THBS2: variants seen among roughly 807,000 people sequenced by gnomAD.
THBS2 encodes thrombospondin 2, also known as thrombospondin-2.
In THBS2, 47 loss-of-function variants were observed where a neutral mutation model predicts 135.2. The observed-to-expected ratio is 0.35, with a 90% CI of 0.28 to 0.44. The LOEUF is 0.44. Among genes scored for constraint, THBS2 ranks in the 20% least tolerant of loss-of-function variants. The probability of loss-of-function intolerance (pLI) is 1.00; values close to 1 mark genes in which losing one functional copy is unlikely to be tolerated. For synonymous variants in THBS2, 639 were observed against 633.8 expected, an observed-to-expected ratio of 1.01 and a Z score of -0.12; for missense variants, 1,288 against 1,603.1, an observed-to-expected ratio of 0.80 and a Z score of 3.36.
At chr6:169,228,360 T>C (rs1356290432) in intron 14 of THBS2, 79 bp from the exon 15 acceptor site, 2 of 1,500,094 alleles carry the variant, frequency 1.3e-6, no homozygotes, top group East Asian at 2.4e-5. Flanking sequence ...ATAAGTTATG[T>C]ACTCAAGGTT....
chr6:169,236,604 CCATCCACACTCG>C (rs1264631440), intron 9 of THBS2, among the ~76,000 whole-genome samples: 1 of 137,250 alleles, frequency 7.3e-6, no homozygotes, highest in African/African-American at 2.6e-5. Context: ...ACACTCATTC[CCATCCACACTCG>C]CCATCCACAC....
intron 4 of THBS2, among the ~76,000 whole-genome samples, chr6:169,243,453 T>C (rs965478148): frequency 6.6e-6 from 1 of 152,182 alleles, no homozygotes; most frequent in Non-Finnish European, 1.5e-5. Context: ...ATGCCTGACT[T>C]CTCTCGGACA....
At chr6:169,235,626 T>A (rs1435337023) in intron 9 of THBS2, among the ~76,000 whole-genome samples, 1 of 151,942 alleles carries the variant, frequency 6.6e-6, no homozygotes, top group African/African-American at 2.4e-5. Flanking sequence ...GTTCTGTGCA[T>A]CTGCGGCATC....
chr6:169,221,858 G>A (rs933504754), intron 19 of THBS2, among the ~76,000 whole-genome samples: 2 of 152,166 alleles, frequency 1.3e-5, no homozygotes, highest in East Asian at 3.9e-4. Context: ...TTGAAGTTTT[G>A]ATATTCAATT....
chr6:169,221,608 A>G (rs947160394), intron 19 of THBS2, 81 bp from the exon 20 acceptor site: 88 of 1,263,958 alleles, frequency 7.0e-5, no homozygotes, highest in Non-Finnish European at 9.7e-5. Context: ...GCAGGAAGCA[A>G]AAACATGACT....
At chr6:169,242,733 C>G (rs1395911900) in intron 4 of THBS2, among the ~76,000 whole-genome samples, 1 of 141,148 alleles carries the variant, frequency 7.1e-6, no homozygotes, top group African/African-American at 2.6e-5. Flanking sequence ...ACCTTCCCAC[C>G]TTCCCACCGC....
At chr6:169,235,341 G>A (rs935520352) in intron 9 of THBS2, among the ~76,000 whole-genome samples, 3 of 151,844 alleles carry the variant, frequency 2.0e-5, no homozygotes, top group South Asian at 2.1e-4. Flanking sequence ...CATTTACACC[G>A]AGAAGCTCAG....
intron 7 of THBS2, among the ~76,000 whole-genome samples, chr6:169,239,010 G>A (rs577407724): frequency 6.6e-6 from 1 of 152,228 alleles, no homozygotes; most frequent in African/African-American, 2.4e-5. Context: ...AGGGGTGGGA[G>A]GCAGCACAGA....
rs750093759 is a variant in THBS2 at position 169,248,941 on chromosome 6, G to T, written c.85C>A (p.Leu29Ile). ...GHQDKDTTFDLFSISNINRKT... is the reference protein window; with the variant it reads ...GHQDKDTTFDIFSISNINRKT... ...CGGTTGATGTTGCTGATACTGAAAA[G>T]GTCGAAGGTCGTGTCTTTGTCCTGG... is the stretch of plus-strand genomic sequence containing the variant. Residue 29 changes from leucine (L) to isoleucine (I), a missense_variant, in exon 3 of 22, where the codon CTT becomes ATT. Around this residue, in one of 2 missense-constraint regions of THBS2, gnomAD observed 414 missense variants for 447.0 expected, o/e 0.93. Coordinates refer to ENST00000617924, the MANE Select transcript of THBS2 (RefSeq NM_003247.5). 6.2e-7 allele frequency: 1 copy of T among 1,611,086 alleles called. No individual in the cohort carries two copies.
chr6:169,239,605 G>A lies in THBS2; in HGVS notation c.1123C>T (p.Leu375Phe), dbSNP rs35404985. The A allele has an allele frequency of 4.4e-3, 7,086 of 1,600,048 alleles. 262 individuals carry two copies. The African/African-American group carries it at 0.083, about 19-fold the overall frequency. The change falls in exon 7 of 22, where the codon CTC becomes TTC. Residue 375 changes from leucine (L) to phenylalanine (F), a missense_variant. By Grantham distance (22) the Leu-to-Phe change is conservative. Coordinates refer to ENST00000617924, the MANE Select transcript of THBS2 (RefSeq NM_003247.5). The stretch of plus-strand genomic sequence containing the variant: ...GCCGGCTGGCGATACTCACAGTGGA[G>A]GCAGGAAGGGCAGCATTCGCCTTCC... Reference protein sequence around the residue: ...FVEGECCPSCLHSVDGEEGWS... With the variant: ...FVEGECCPSCFHSVDGEEGWS...
At position 169,232,117 on chromosome 6, in the gene THBS2, T is replaced by A. The variant is rs751941881; in HGVS notation, c.2014A>T (p.Ser672Cys). 1 of 1,614,014 alleles carries A rather than the reference T, an allele frequency of 6.2e-7. No individual in the cohort carries two copies. Among genetic ancestry groups the A allele is most frequent in the African/African-American group, 1.3e-5 (1 of 74,918 alleles). ...HAECIYLGHF[S>C]DPMYKCECQT... ...CACTCGCACTTGTACATGGGGTCGC[T>A]GAAGTGGCCCAGGTAGATGCACTCC... The change falls in exon 13 of 22, where the codon AGC becomes TGC. Residue 672 changes from serine to cysteine, a missense_variant. Ser to Cys is a moderately radical substitution (Grantham distance 112, BLOSUM62 -1). This residue lies in a region of THBS2 where 874 missense variants were observed against 1,156.1 expected (regional missense o/e 0.76). Transcript: ENST00000617924.
chr6:169,221,685 T>C (rs899244992), intron 19 of THBS2, among the ~76,000 whole-genome samples, 158 bp from the exon 20 acceptor site: 10 of 152,304 alleles, frequency 6.6e-5, no homozygotes, highest in Admixed American at 6.5e-5. Flanking sequence ...TCCAAATCTC[T>C]ACTGTGGATT....
At chr6:169,242,832 CTTCCCACCTTCCCACT>C (rs1780387577) in intron 4 of THBS2, among the ~76,000 whole-genome samples, 1 of 108,980 alleles carries the variant, frequency 9.2e-6, no homozygotes. Flanking sequence ...ACCTTCCCAC[CTTCCCACCTTCCCACT>C]GCTCCCACCT....
In THBS2 at chr6:169,241,620, A is replaced by G; in HGVS notation, c.891+142T>C. 1.2e-6 allele frequency: 1 copy of G among 805,568 alleles called. No individual in the cohort carries two copies. The highest frequency in any genetic ancestry group is 1.9e-6 in the Non-Finnish European group (1 of 524,900). The allele number at this position is 805,568 out of a possible 1,614,324, so 49.9% of individuals were successfully genotyped here. A position where few individuals can be genotyped will look rare whatever the true frequency, so the allele number is the denominator to read the frequency against. ...GAGCAAGGATCCTGAGGAGCCCGGCAGACACCTCCCCTGTGAACTGTGGGT... is the reference window on the plus strand; with the variant it reads ...GAGCAAGGATCCTGAGGAGCCCGGCGGACACCTCCCCTGTGAACTGTGGGT... On this transcript the variant is annotated intron_variant, in intron 5 of 21. Coordinates refer to ENST00000617924, the MANE Select transcript of THBS2 (RefSeq NM_003247.5). This position sits in a 1 kb window ranked among gnomAD's most constrained non-coding sequence, Gnocchi z 5.5.
intron 4 of THBS2, among the ~76,000 whole-genome samples, chr6:169,244,164 G>GTTTTTT (rs34458367): frequency 4.2e-5 from 5 of 120,334 alleles, no homozygotes; most frequent in Non-Finnish European, 5.1e-5. Flanking sequence ...ATTTCTCTGT[G>GTTTTTT]TTTTTTTTTT....
At chr6:169,236,341 A>C (rs905204285) in intron 9 of THBS2, among the ~76,000 whole-genome samples, 22 of 23,144 alleles carry the variant, frequency 9.5e-4, no homozygotes, top group South Asian at 1.7e-3. Context: ...ATCCACACTC[A>C]CTCCCCATCC....
chr6:169,222,718 C>T (rs751557785), intron 18 of THBS2, among the ~76,000 whole-genome samples: 16 of 150,258 alleles, frequency 1.1e-4, no homozygotes, highest in East Asian at 2.0e-4. Flanking sequence ...TCACTTGAAC[C>T]GGGGAAAAAA....
rs769919847 is a variant in THBS2 at position 169,237,829 on chromosome 6, C to A, written c.1130-34G>T. On this transcript the variant is annotated intron_variant, in intron 7 of 21. Coordinates refer to ENST00000617924, the MANE Select transcript of THBS2 (RefSeq NM_003247.5). Reference sequence around the variant, plus strand: ...GGAAGCAAACACGGTGGCATCAGGCCCTGCCTCACAGACGTGCCACAGAAC... The same window carrying A: ...GGAAGCAAACACGGTGGCATCAGGCACTGCCTCACAGACGTGCCACAGAAC... 3.1e-6 allele frequency: 5 copies of A among 1,594,980 alleles called. No individual in the cohort carries two copies. In the Middle Eastern group the frequency reaches 5.0e-4, roughly 160 times the overall value.
In THBS2 at chr6:169,239,626, C is replaced by T. The variant is rs770906206; in HGVS notation, c.1102G>A (p.Gly368Ser). ...ATCASPSFVE[G>S]ECCPSCLHSV... ...TGGAGGCAGGAAGGGCAGCATTCGC[C>T]TTCCACAAAGGATGGACTGGCGCAG... Residue 368 changes from glycine to serine, a missense_variant, in exon 7 of 22, where the codon GGC becomes AGC. By Grantham distance (56) the Gly-to-Ser change is moderately conservative (BLOSUM62 0). Around this residue, in one of 2 missense-constraint regions of THBS2, gnomAD observed 874 missense variants for 1,156.1 expected, o/e 0.76. Coordinates refer to ENST00000617924, the MANE Select transcript of THBS2 (RefSeq NM_003247.5). 1.9e-6 allele frequency: 3 copies of T among 1,605,740 alleles called. No homozygotes were observed. The highest frequency in any genetic ancestry group is 2.7e-5 in the African/African-American group (2 of 74,888).
Sources: gnomAD v4.1 joint callset for allele counts (sites outside exome capture counted in the v4.1 genomes callset) on GRCh38, gnomAD v4.1.1 for gene constraint, gnomAD v4.1.1 regional missense constraint, Gnocchi (gnomAD v3.1) non-coding constraint, MANE v1.5 for transcripts, NCBI Gene and HGNC (gene_info 2026-07-23, HGNC 2026-07-21) for gene names.